GRIK4: variants seen among roughly 807,000 people sequenced by gnomAD.
GRIK4 encodes the protein glutamate receptor ionotropic, kainate 4.
GRIK4 carries 40 observed loss-of-function variants against 104.9 expected under a neutral mutation model. The ratio of observed to expected loss-of-function variants is 0.38; its 90% CI spans 0.30 to 0.50. The LOEUF is 0.50. Ranked by LOEUF, GRIK4 falls within the 20% of genes least tolerant of loss-of-function variation. The pLI is 0.93. For synonymous variants in GRIK4, 485 were observed against 524.9 expected, an observed-to-expected ratio of 0.92 and a Z score of 1.04; for missense variants, 1,047 against 1,308.1, an observed-to-expected ratio of 0.80 and a Z score of 3.08.
chr11:120,592,555 G>A (rs374878291), intron 1 of GRIK4, among the ~76,000 whole-genome samples: 17 of 152,164 alleles, frequency 1.1e-4, no homozygotes, highest in East Asian at 5.8e-4. Flanking sequence ...ATTTTTTATC[G>A]AATGATGTTT....
At chr11:120,970,161 T>C (rs1054131218) in intron 19 of GRIK4, among the ~76,000 whole-genome samples, 3 of 152,238 alleles carry the variant, frequency 2.0e-5, no homozygotes, top group Non-Finnish European at 4.4e-5. Context: ...CATGAGACTG[T>C]GCTTGGAGTT....
chr11:120,817,729 G>A (rs1295328522), intron 5 of GRIK4, among the ~76,000 whole-genome samples: 1 of 152,206 alleles, frequency 6.6e-6, no homozygotes, highest in Non-Finnish European at 1.5e-5. Context: ...ACTGGGCTGG[G>A]CTATCCCTGC....
intron 3 of GRIK4, among the ~76,000 whole-genome samples, chr11:120,757,073 G>A (rs1195430971): frequency 1.3e-5 from 2 of 152,206 alleles, no homozygotes; most frequent in South Asian, 2.1e-4. Flanking sequence ...CAGCAGCATC[G>A]TGGAGCTGCC....
chr11:120,862,381 G>A (rs1295963543), intron 9 of GRIK4: 1 of 381,058 alleles, frequency 2.6e-6, no homozygotes, highest in African/African-American at 2.0e-5. Context: ...CCTGTGGCCA[G>A]ACTCTCAATA....
intron 9 of GRIK4, chr11:120,871,244 C>T: frequency 5.6e-6 from 1 of 179,592 alleles, no homozygotes; most frequent in Non-Finnish European, 1.2e-5. Context: ...TTTGTCTAAG[C>T]CGGAAAGGGA....
chr11:120,639,700 T>C (rs556666941), intron 1 of GRIK4, among the ~76,000 whole-genome samples: 5 of 152,208 alleles, frequency 3.3e-5, no homozygotes, highest in African/African-American at 4.8e-5. Flanking sequence ...CACTTCTACC[T>C]TCCTCATGTC....
At chr11:120,720,171 G>T (rs942236493) in intron 3 of GRIK4, among the ~76,000 whole-genome samples, 4 of 152,142 alleles carry the variant, frequency 2.6e-5, no homozygotes, top group African/African-American at 9.7e-5. Flanking sequence ...AAAGAGAAAG[G>T]AGGGGAGAGG....
At chr11:120,979,295 TG>T (rs1334757891) in intron 19 of GRIK4, among the ~76,000 whole-genome samples, 1 of 151,998 alleles carries the variant, frequency 6.6e-6, no homozygotes, top group East Asian at 1.9e-4. Flanking sequence ...AATAATTTTT[TG>T]ATTAGATTTT....
At chr11:120,682,945 A>C (rs1223915182) in intron 3 of GRIK4, among the ~76,000 whole-genome samples, 1 of 151,498 alleles carries the variant, frequency 6.6e-6, no homozygotes, top group Non-Finnish European at 1.5e-5. Flanking sequence ...GTTCTCTAAA[A>C]CCCAGGTTAA....
Position 120,627,332 on chromosome 11 carries a change from C to T in GRIK4, c.-158-26353C>T, listed in dbSNP as rs1374223371. Among the ~76,000 whole-genome samples the T allele has an allele frequency of 3.9e-5, 6 of 152,216 alleles. No homozygotes were observed. The East Asian group carries it at 1.2e-3, about 29-fold the overall frequency. The stretch of plus-strand genomic sequence containing the variant: ...TCCCGGTCCTCTCCAAAGGAGAAGC[C>T]ACACAGCGCAGTGCAAGGAGAGCAC... On this transcript the variant is annotated intron_variant, in intron 1 of 20. Coordinates refer to ENST00000527524, the MANE Select transcript of GRIK4 (RefSeq NM_014619.5).
intron 1 of GRIK4, among the ~76,000 whole-genome samples, chr11:120,568,898 G>C (rs1366200834): frequency 6.6e-6 from 1 of 152,142 alleles, no homozygotes; most frequent in Non-Finnish European, 1.5e-5. Context: ...ACAACCCCAG[G>C]CTCCAGTTTG....
At chr11:120,722,978 T>C (rs1683001508) in intron 3 of GRIK4, among the ~76,000 whole-genome samples, 1 of 152,224 alleles carries the variant, frequency 6.6e-6, no homozygotes, top group South Asian at 2.1e-4. Context: ...CACCAGCCAT[T>C]CCTCATCCGT....
chr11:120,533,308 A>G (rs1421611230), intron 1 of GRIK4, among the ~76,000 whole-genome samples: 2 of 152,236 alleles, frequency 1.3e-5, no homozygotes, highest in Admixed American at 1.3e-4. Context: ...ATGATAATAT[A>G]CTGCACACTC....
chr11:120,649,348 A>G (rs1949587653), intron 1 of GRIK4, among the ~76,000 whole-genome samples: 1 of 152,116 alleles, frequency 6.6e-6, no homozygotes, highest in African/African-American at 2.4e-5. Context: ...GATGGTGGAT[A>G]AGACAACAAA....
At chr11:120,602,152 C>A (rs575575130) in intron 1 of GRIK4, among the ~76,000 whole-genome samples, 3 of 152,278 alleles carry the variant, frequency 2.0e-5, no homozygotes, top group East Asian at 1.9e-4. Context: ...TTCAGGAAGC[C>A]CCTGGGAGCC....
chr11:120,940,610 G>T lies in GRIK4; in HGVS notation c.1590+150G>T, dbSNP rs1943701619. The T allele has an allele frequency of 5.0e-6, 3 of 597,640 alleles. No homozygotes were observed. In the South Asian group the frequency reaches 6.3e-5, roughly 13 times the overall value. 37.0% of individuals were successfully genotyped at this position (597,640 alleles called of 1,614,324 possible). A position where few individuals can be genotyped will look rare whatever the true frequency, so the allele number is the denominator to read the frequency against. On this transcript the variant is annotated intron_variant, in intron 14 of 20. Transcript: ENST00000527524. The surrounding 1 kb of genome is among the most constrained non-coding windows in gnomAD (Gnocchi z 4.3). ...TGGGCTATTTTTTCTCCTATCATCTGCACGAACTTGCAAACTGAAGGGATG... is the reference window on the plus strand; with the variant it reads ...TGGGCTATTTTTTCTCCTATCATCTTCACGAACTTGCAAACTGAAGGGATG...
At chr11:120,528,729 A>G (rs1358773677) in intron 1 of GRIK4, among the ~76,000 whole-genome samples, 1 of 152,184 alleles carries the variant, frequency 6.6e-6, no homozygotes, top group Non-Finnish European at 1.5e-5. Context: ...TTGTGCAGGG[A>G]AACTGCCCCT....
chr11:120,681,984 C>T (rs1377912374), intron 3 of GRIK4, among the ~76,000 whole-genome samples: 2 of 152,182 alleles, frequency 1.3e-5, no homozygotes, highest in South Asian at 4.1e-4. Flanking sequence ...CAATGATTTC[C>T]TTCATTGTGT....
chr11:120,818,360 A>T (rs1293629245), intron 5 of GRIK4, among the ~76,000 whole-genome samples: 1 of 151,788 alleles, frequency 6.6e-6, no homozygotes, highest in African/African-American at 2.4e-5. Flanking sequence ...TCTGTTTGTT[A>T]TTCACTTTAG....
Sources: gnomAD v4.1 joint callset for allele counts (sites outside exome capture counted in the v4.1 genomes callset) on GRCh38, gnomAD v4.1.1 for gene constraint, Gnocchi (gnomAD v3.1) non-coding constraint, MANE v1.5 for transcripts, NCBI Gene and HGNC (gene_info 2026-07-23, HGNC 2026-07-21) for gene names.